Variants in ABCA9 observed in about 807,000 individuals in gnomAD.
ABCA9 encodes the protein ATP-binding cassette sub-family A member 9.
Under a neutral mutation model 205.3 loss-of-function variants are expected in ABCA9, and 183 were observed. That is an observed-to-expected ratio of 0.89 (90% confidence interval 0.79 to 1.01). The LOEUF (loss-of-function observed/expected upper bound fraction) is 1.01. ABCA9 is among the 50% of genes least tolerant of loss of function. ABCA9 has a pLI of 0.00. For synonymous variants in ABCA9, 651 were observed against 683.3 expected, an observed-to-expected ratio of 0.95 and a Z score of 0.74; for missense variants, 1,805 against 1,912.4, an observed-to-expected ratio of 0.94 and a Z score of 1.05.
Position 69,036,797 on chromosome 17 carries a change from C to T in ABCA9, c.801-996G>A, listed in dbSNP as rs375908096. ...CCATTTGTGTGCCGTATTCAAGAGA[C>T]CCATCTCAGGTGCAAAGACACACAT... On this transcript the variant is annotated intron_variant, in intron 6 of 38. Transcript: ENST00000340001. Among the ~76,000 whole-genome samples the T allele has an allele frequency of 1.9e-4, 27 of 143,514 alleles. No individual in the cohort carries two copies. The South Asian group carries it at 5.9e-3, about 31-fold the overall frequency. 94.2% of individuals were successfully genotyped at this position (143,514 alleles called of 152,430 possible).
chr17:69,039,550 T>A (rs1289236959), intron 6 of ABCA9, among the ~76,000 whole-genome samples: 1 of 152,004 alleles, frequency 6.6e-6, no homozygotes, highest in Non-Finnish European at 1.5e-5. Context: ...TATACAAAAA[T>A]TAACTCAAGA....
At chr17:69,063,974 A>C (rs1330471705), upstream of ABCA9, among the ~76,000 whole-genome samples, 14 of 152,068 alleles carry the variant, frequency 9.2e-5, no homozygotes, top group Non-Finnish European at 2.9e-5. Context: ...CTCCACTTTC[A>C]TTTGCAATTT....
chr17:68,996,185 G>T (rs936626803), intron 25 of ABCA9, among the ~76,000 whole-genome samples, 171 bp from the exon 26 acceptor site: 1 of 152,198 alleles, frequency 6.6e-6, no homozygotes, highest in East Asian at 1.9e-4. Flanking sequence ...TCACAGTTTT[G>T]TATGGGATTT....
Position 68,975,852 on chromosome 17 carries a change from G to T in ABCA9, c.*63C>A. 3 of 1,255,278 alleles carry T rather than the reference G, an allele frequency of 2.4e-6. No homozygotes were observed. In the South Asian group the frequency reaches 3.8e-5, roughly 16 times the overall value. 77.8% of individuals were successfully genotyped at this position (1,255,278 alleles called of 1,614,324 possible). On this transcript the variant is annotated 3_prime_UTR_variant, in exon 39 of 39. Transcript: ENST00000340001. ...CACCTCTGATATAAGGCATATTAAG[G>T]CTATAAAATATTATCTTTAAAAGAG...
chr17:69,029,336 T>G, intron 10 of ABCA9, 109 bp from the exon 11 acceptor site: 5 of 637,250 alleles, frequency 7.8e-6, no homozygotes, highest in South Asian at 2.5e-5. Context: ...TGGGATTCTT[T>G]TCTTGTAAAG....
chr17:68,983,594 C>T, intron 36 of ABCA9, 115 bp downstream of exon 36: 1 of 1,396,536 alleles, frequency 7.2e-7, no homozygotes, highest in South Asian at 1.4e-5. Context: ...AAGTAAAGTA[C>T]TTGCAATTAC....
chr17:69,036,871 CAAAAAAAAAAAAAAA>C (rs781565554), intron 6 of ABCA9, among the ~76,000 whole-genome samples: 1 of 4,708 alleles, frequency 2.1e-4, no homozygotes, highest in African/African-American at 6.0e-4. Flanking sequence ...AAATGGAAAG[CAAAAAAAAAAAAAAA>C]AAAAAAAAAA....
chr17:69,026,909 A>G, intron 15 of ABCA9, 67 bp downstream of exon 15: 2 of 1,565,704 alleles, frequency 1.3e-6, no homozygotes, highest in Non-Finnish European at 1.7e-6. Flanking sequence ...GCTGTGGAGC[A>G]TACCTGTTCA....
At chr17:69,069,223 T>A in the ABCA9 span, among the ~76,000 whole-genome samples, 1 of 152,050 alleles carries the variant, frequency 6.6e-6, no homozygotes, top group African/African-American at 2.4e-5. Flanking sequence ...GAGAAACAAG[T>A]GAATACAGAG....
intron 25 of ABCA9, among the ~76,000 whole-genome samples, chr17:69,000,402 G>T (rs867387768): frequency 1.3e-5 from 2 of 152,018 alleles, no homozygotes; most frequent in Admixed American, 6.6e-5. Flanking sequence ...CCCATTGCTT[G>T]TTTTTCTCAT....
chr17:69,024,423 G>A, intron 16 of ABCA9, 70 bp from the exon 17 acceptor site: 5 of 1,369,442 alleles, frequency 3.7e-6, no homozygotes, highest in Non-Finnish European at 3.9e-6. Flanking sequence ...TAATTATGTA[G>A]TATGTGCTTG....
intron 27 of ABCA9, 127 bp downstream of exon 27, chr17:68,992,889 A>G (rs2069501595): frequency 1.5e-6 from 1 of 670,554 alleles, no homozygotes. Context: ...ATGCATGTGC[A>G]TGTGTGTGTT....
At chr17:69,056,707 T>C (rs958228643) in intron 1 of ABCA9, among the ~76,000 whole-genome samples, 4 of 152,196 alleles carry the variant, frequency 2.6e-5, no homozygotes. Context: ...CTTCATCCCC[T>C]GGGATATTTA....
rs202236680 is a variant in ABCA9, at chr17:69,012,037, C to T, written c.3086G>A (p.Trp1029Ter). ...AGTGAAAGAGGCTGCCATCGGTATC[C>T]AGAAGAAGGTGTTACTTCGGTACCC... Reference protein sequence around the residue: ...EYGYRSNTFFWIPMAASFTPY... With the variant: ...EYGYRSNTFF Residue 1029 changes from tryptophan (W) to a stop codon, truncating the protein, a stop_gained, in exon 23 of 39, where the codon TGG (tryptophan) becomes TAG (stop). Transcript: ENST00000340001. LOFTEE classifies it high-confidence loss of function. 9.6e-5 allele frequency: 155 copies of T among 1,613,046 alleles called. No individual in the cohort carries two copies. The highest frequency in any genetic ancestry group is 1.3e-4 in the Non-Finnish European group (151 of 1,179,550).
chr17:68,994,187 A>G (rs1489194148), intron 26 of ABCA9, among the ~76,000 whole-genome samples: 1 of 152,068 alleles, frequency 6.6e-6, no homozygotes, highest in African/African-American at 2.4e-5. Context: ...CTGCCAGTAC[A>G]TTTTAGTTTT....
Position 69,018,433 on chromosome 17 carries a change from A to T in ABCA9, c.2747T>A (p.Leu916Ter). ...GQQPQDPLTH[L>*]LVINKTGSTI... ...TTCACCTGTCTTATTGATGACCAGTAAATGGGTCAGAGGATCCTGTGGTTG... is the reference window on the plus strand; with the variant it reads ...TTCACCTGTCTTATTGATGACCAGTTAATGGGTCAGAGGATCCTGTGGTTG... Residue 916 changes from leucine (L) to a stop codon, truncating the protein, a stop_gained, in exon 20 of 39, where the codon TTA becomes TAA. Transcript: ENST00000340001. LOFTEE classifies it high-confidence loss of function. The T allele has an allele frequency of 6.3e-7, 1 of 1,589,722 alleles. No individual in the cohort carries two copies. The highest frequency in any genetic ancestry group is 8.5e-7 in the Non-Finnish European group (1 of 1,172,090).
At chr17:69,069,351 CG>C in the ABCA9 span, among the ~76,000 whole-genome samples, 5 of 152,070 alleles carry the variant, frequency 3.3e-5, no homozygotes, top group Non-Finnish European at 5.9e-5. Context: ...GGCCTGCAGC[CG>C]GGGGAGACAT....
At chr17:69,008,368 C>A in intron 23 of ABCA9, 133 bp from the exon 24 acceptor site, 1 of 726,012 alleles carries the variant, frequency 1.4e-6, no homozygotes, top group Non-Finnish European at 2.4e-6. Context: ...GCAAATGATA[C>A]CACCACTCGC....
At chr17:68,998,539 A>G (rs548362314) in intron 25 of ABCA9, among the ~76,000 whole-genome samples, 1 of 152,288 alleles carries the variant, frequency 6.6e-6, no homozygotes, top group East Asian at 1.9e-4. Context: ...TGATCATTCC[A>G]TAACAGTTCT....
Sources: gnomAD v4.1 joint callset for allele counts (sites outside exome capture counted in the v4.1 genomes callset) on GRCh38, gnomAD v4.1.1 for gene constraint, MANE v1.5 for transcripts, NCBI Gene and HGNC (gene_info 2026-07-23, HGNC 2026-07-21) for gene names.